Variants in PASD1 observed in about 807,000 individuals in gnomAD.
PASD1 encodes the protein PAS domain containing repressor 1.
A neutral mutation model predicts 58.8 loss-of-function variants in PASD1; 13 were observed. That is an observed-to-expected ratio of 0.22 (90% CI 0.14 to 0.35). The LOEUF (loss-of-function observed/expected upper bound fraction) is 0.35, where lower values mean the gene tolerates loss of function less well. Ranked by LOEUF, PASD1 falls within the 10% of genes least tolerant of loss-of-function variation. The pLI is 1.00. For missense variants in PASD1, 734 were observed against 568.3 expected (o/e 1.29, Z -2.96); for synonymous variants, 236 against 216.7 (o/e 1.09, Z -0.78).
chrX:151,621,590 A>G lies in PASD1; in HGVS notation c.416A>G (p.Asn139Ser). 1.7e-6 allele frequency: 2 copies of G among 1,163,660 alleles called. No homozygotes were observed. Among genetic ancestry groups the G allele is most frequent in the Non-Finnish European group, 1.2e-6 (1 of 856,043 alleles). ...KFIVNVRDICNEFPVVFSGLF... is the reference protein window; with the variant it reads ...KFIVNVRDICSEFPVVFSGLF... Reference sequence around the variant, plus strand: ...ATTGTGAATGTAAGAGATATTTGTAATGGTAAGCAGTTCTGTTTATCTTAT... The same window carrying G: ...ATTGTGAATGTAAGAGATATTTGTAGTGGTAAGCAGTTCTGTTTATCTTAT... The change falls in exon 6 of 16, where the codon AAT becomes AGT. Residue 139 changes from asparagine to serine, a missense_variant and splice_region_variant. Asn to Ser is a conservative substitution (Grantham distance 46, BLOSUM62 1). Transcript: ENST00000370357.
intron 8 of PASD1, among the ~76,000 whole-genome samples, chrX:151,634,297 T>C (rs1266505275): frequency 9.0e-6 from 1 of 110,735 alleles, no homozygotes; most frequent in Non-Finnish European, 1.9e-5. Flanking sequence ...GATAGATATT[T>C]TGTGTGTGTG....
intron 8 of PASD1, among the ~76,000 whole-genome samples, chrX:151,631,824 A>G (rs1311507924): frequency 1.8e-5 from 2 of 111,845 alleles, no homozygotes; most frequent in African/African-American, 6.5e-5. Flanking sequence ...ACCATACTAT[A>G]CTATACCGTA....
rs1324489664 is a variant in PASD1, at chrX:151,671,580, C to T, written c.1238C>T (p.Pro413Leu). ...GATACTGTGTCCTTACAGAAGCAGC[C>T]AAACACATTACGCCACGTTGTCATT... ...ELMMDHLQKQ[P>L]NTLRHVVIPD... The change falls in exon 13 of 16, where the codon CCA (proline) becomes CTA (leucine). Residue 413 changes from proline (P) to leucine (L), a missense_variant. Physicochemically the swap from Pro to Leu is moderately conservative, Grantham distance 98. Transcript: ENST00000370357. 8.3e-7 allele frequency: 1 copy of T among 1,210,456 alleles called. No homozygotes were observed. Among genetic ancestry groups the T allele is most frequent in the Admixed American group, 2.2e-5 (1 of 46,085 alleles).
intron 2 of PASD1, among the ~76,000 whole-genome samples, chrX:151,602,985 T>C (rs944957343): frequency 8.9e-5 from 10 of 112,584 alleles, no homozygotes; most frequent in African/African-American, 2.9e-4. Context: ...TTCTTGTCAA[T>C]CAAATCTTAG....
chrX:151,614,132 G>A (rs927307160), intron 4 of PASD1, among the ~76,000 whole-genome samples: 1 of 110,126 alleles, frequency 9.1e-6, no homozygotes, highest in African/African-American at 3.3e-5. Context: ...TTATAGGCAC[G>A]CATCACCACG....
At chrX:151,633,898 C>A (rs2013898180) in intron 8 of PASD1, among the ~76,000 whole-genome samples, 1 of 111,839 alleles carries the variant, frequency 8.9e-6, no homozygotes, top group Non-Finnish European at 1.9e-5. Context: ...ATTCTCACAG[C>A]TGCATATTCT....
chrX:151,622,236 A>G (rs1408948879), intron 6 of PASD1, among the ~76,000 whole-genome samples: 1 of 111,244 alleles, frequency 9.0e-6, no homozygotes, highest in African/African-American at 3.3e-5. Flanking sequence ...AAGCTGAGAA[A>G]TTAACATAAA....
chrX:151,641,301 C>T (rs1234578392), intron 8 of PASD1, among the ~76,000 whole-genome samples: 1 of 110,815 alleles, frequency 9.0e-6, no homozygotes, highest in African/African-American at 3.3e-5. Context: ...TGTATATTAG[C>T]AGTGATTTGA....
chrX:151,653,804 TTCCTTCCTTCCTTCC>T (rs2014181954), intron 9 of PASD1, among the ~76,000 whole-genome samples: 1 of 11,167 alleles, frequency 9.0e-5, no homozygotes, highest in African/African-American at 1.9e-4. Flanking sequence ...CTTTCTTTCC[TTCCTTCCTTCCTTCC>T]TTCCTTCCTT....
At chrX:151,661,912 G>A (rs1224954590) in intron 10 of PASD1, among the ~76,000 whole-genome samples, 2 of 112,422 alleles carry the variant, frequency 1.8e-5, no homozygotes, top group Non-Finnish European at 3.8e-5. Context: ...CCCTCCTTAG[G>A]GCATCATATC....
intron 10 of PASD1, among the ~76,000 whole-genome samples, chrX:151,661,021 C>T (rs1423591184): frequency 9.0e-6 from 1 of 110,752 alleles, no homozygotes; most frequent in Non-Finnish European, 1.9e-5. Context: ...GGCGTGGTGG[C>T]AGGCACGCCT....
At chrX:151,667,635 G>C (rs1056987961) in intron 11 of PASD1, among the ~76,000 whole-genome samples, 9 of 111,982 alleles carry the variant, frequency 8.0e-5, no homozygotes, top group African/African-American at 2.3e-4. Context: ...TGTTAAATAG[G>C]GAATCCTTTC....
At chrX:151,576,648 T>A (rs962282038) in intron 1 of PASD1, among the ~76,000 whole-genome samples, 3 of 111,979 alleles carry the variant, frequency 2.7e-5, no homozygotes, top group Admixed American at 9.5e-5. Context: ...AAATTGGTGA[T>A]TGTAGATCAA....
intron 8 of PASD1, among the ~76,000 whole-genome samples, chrX:151,628,927 C>G (rs1484118105): frequency 9.0e-6 from 1 of 110,958 alleles, no homozygotes; most frequent in East Asian, 2.8e-4. Context: ...AGTTGGATTC[C>G]TAGGTATTTT....
chrX:151,610,516 T>C (rs1465868304), intron 3 of PASD1, among the ~76,000 whole-genome samples: 1 of 112,055 alleles, frequency 8.9e-6, no homozygotes, highest in Non-Finnish European at 1.9e-5. Flanking sequence ...TCCAATAAGT[T>C]ATTTTTAAAT....
chrX:151,647,510 A>G (rs2124295079), intron 8 of PASD1, among the ~76,000 whole-genome samples: 1 of 109,010 alleles, frequency 9.2e-6, no homozygotes, highest in African/African-American at 3.3e-5. Context: ...AATATTAACA[A>G]CATAAAATAT....
At chrX:151,605,892 C>T (rs1243216078) in intron 3 of PASD1, among the ~76,000 whole-genome samples, 1 of 112,142 alleles carries the variant, frequency 8.9e-6, no homozygotes, top group East Asian at 2.8e-4. Context: ...GACTCTCTCT[C>T]AATTTTATTA....
At position 151,604,713 on chromosome X, in the gene PASD1, C is replaced by A. The variant is rs1365652166; in HGVS notation, c.96C>A (p.Tyr32Ter). Reference protein sequence around the residue: ...NWIPSFPTYDYFNQVTLQLLD... With the variant: ...NWIPSFPTYD ...TTCCATCATTTCCTACCTATGATTA[C>A]TTCAACCAAGTGACGCTACAGGTAA... is the stretch of plus-strand genomic sequence containing the variant. The change falls in exon 3 of 16, where the codon TAC (tyrosine) becomes TAA (stop). Residue 32 changes from tyrosine (Y) to a stop codon, truncating the protein, a stop_gained. Transcript: ENST00000370357. LOFTEE classifies it high-confidence loss of function. 1 of 1,206,605 alleles carries A rather than the reference C, an allele frequency of 8.3e-7. No individual in the cohort carries two copies. Among genetic ancestry groups the A allele is most frequent in the Non-Finnish European group, 1.1e-6 (1 of 891,313 alleles).
intron 15 of PASD1, among the ~76,000 whole-genome samples, chrX:151,675,147 G>C (rs1022528474): frequency 1.8e-5 from 2 of 111,865 alleles, no homozygotes; most frequent in African/African-American, 6.5e-5. Context: ...CCAGCACAAG[G>C]CTGAGCACGT....
Sources: gnomAD v4.1 joint callset for allele counts (sites outside exome capture counted in the v4.1 genomes callset) on GRCh38, gnomAD v4.1.1 for gene constraint, MANE v1.5 for transcripts, NCBI Gene and HGNC (gene_info 2026-07-23, HGNC 2026-07-21) for gene names.